The following LHX8 variants were observed in gnomAD, a reference collection of about 807,000 sequenced individuals.
LHX8 encodes the protein LIM/homeobox protein Lhx8.
LHX8 carries 12 observed loss-of-function variants against 40.3 expected under a neutral mutation model. The ratio of observed to expected loss-of-function variants is 0.30; its 90% CI spans 0.19 to 0.48. The LOEUF (loss-of-function observed/expected upper bound fraction) is 0.48. Ranked by LOEUF, LHX8 falls within the 20% of genes least tolerant of loss-of-function variation. The probability of loss-of-function intolerance (pLI) is 0.99; values close to 1 mark genes in which losing one functional copy is unlikely to be tolerated. For synonymous variants in LHX8, 179 were observed against 162.0 expected (o/e 1.10, Z -0.80); for missense variants, 344 against 433.7 (o/e 0.79, Z 1.84).
Position 75,143,105 on chromosome 1 carries a change from C to T in LHX8, c.360-13C>T. The T allele has an allele frequency of 1.3e-6, 2 of 1,599,996 alleles. No homozygotes were observed. Among genetic ancestry groups the T allele is most frequent in the Non-Finnish European group, 1.7e-6 (2 of 1,167,598 alleles). Reference sequence around the variant, plus strand: ...ATTAAAATATTTACCTTCCACACCTCTATTTAATGTAGAAGGTATGGAACT... The same window carrying T: ...ATTAAAATATTTACCTTCCACACCTTTATTTAATGTAGAAGGTATGGAACT... On this transcript the variant is annotated splice_polypyrimidine_tract_variant and intron_variant, in intron 4 of 8. Coordinates refer to ENST00000356261, the MANE Select transcript of LHX8 (RefSeq NM_001256114.2).
rs1439362564 is a variant in LHX8 at position 75,161,281 on chromosome 1, T to C, written c.*386T>C. 4.9e-6 allele frequency: 1 copy of C among 204,578 alleles called. No homozygotes were observed. Among genetic ancestry groups the C allele is most frequent in the Admixed American group, 5.5e-5 (1 of 18,346 alleles). 12.7% of individuals were successfully genotyped at this position (204,578 alleles called of 1,614,324 possible). Reference sequence around the variant, plus strand: ...ATCATTAGTTTGTATCTGTAAGTTATTGTAATAAATATTACCTGTATTTTT... The same window carrying C: ...ATCATTAGTTTGTATCTGTAAGTTACTGTAATAAATATTACCTGTATTTTT... On this transcript the variant is annotated 3_prime_UTR_variant, in exon 9 of 9. Transcript: ENST00000356261.
downstream of LHX8, among the ~76,000 whole-genome samples, chr1:75,165,329 G>A (rs1020313593): frequency 1.3e-5 from 2 of 152,090 alleles, no homozygotes; most frequent in Non-Finnish European, 2.9e-5. Context: ...ATTCTCCAGG[G>A]CACCAGATTA....
At chr1:75,162,524 T>C (rs976948241), downstream of LHX8, among the ~76,000 whole-genome samples, 11 of 152,176 alleles carry the variant, frequency 7.2e-5, no homozygotes, top group African/African-American at 1.9e-4. Context: ...GTATTCATTT[T>C]TATTTGCTGT....
chr1:75,166,587 C>CA, the LHX8 span, among the ~76,000 whole-genome samples: 2 of 152,184 alleles, frequency 1.3e-5, no homozygotes, highest in Non-Finnish European at 2.9e-5. Flanking sequence ...GTTATTTTGC[C>CA]AGCATGGTTC....
the LHX8 span, among the ~76,000 whole-genome samples, chr1:75,194,189 C>T: frequency 6.6e-6 from 1 of 152,252 alleles, no homozygotes; most frequent in South Asian, 2.1e-4. Flanking sequence ...TTGGGGCATA[C>T]CTCCTACTTT....
chr1:75,181,795 C>T, the LHX8 span, among the ~76,000 whole-genome samples: 2 of 152,322 alleles, frequency 1.3e-5, no homozygotes, highest in African/African-American at 4.8e-5. Flanking sequence ...ATACTGACAG[C>T]TGCAGACCGG....
chr1:75,196,801 C>A, the LHX8 span, among the ~76,000 whole-genome samples: 1 of 152,120 alleles, frequency 6.6e-6, no homozygotes, highest in African/African-American at 2.4e-5. Context: ...CATCAAATTA[C>A]CCTCCTAACA....
intron 7 of LHX8, among the ~76,000 whole-genome samples, chr1:75,154,956 G>A (rs923803101): frequency 2.0e-5 from 3 of 152,122 alleles, no homozygotes; most frequent in African/African-American, 7.2e-5. Flanking sequence ...CCAGGGGCAG[G>A]GTGTAGTTCT....
downstream of LHX8, among the ~76,000 whole-genome samples, chr1:75,162,637 A>C (rs1648945464): frequency 6.6e-6 from 1 of 152,182 alleles, no homozygotes; most frequent in African/African-American, 2.4e-5. Flanking sequence ...AAGTTGAAGT[A>C]AAACTTCCTA....
chr1:75,181,663 C>G, the LHX8 span, among the ~76,000 whole-genome samples: 1 of 152,196 alleles, frequency 6.6e-6, no homozygotes, highest in Non-Finnish European at 1.5e-5. Context: ...TTGAGTGAGG[C>G]GATGCCCCGC....
chr1:75,158,850 C>G (rs1183020141), intron 8 of LHX8, among the ~76,000 whole-genome samples: 1 of 151,940 alleles, frequency 6.6e-6, no homozygotes, highest in Admixed American at 6.6e-5. Flanking sequence ...TAAAATTTAC[C>G]TACTTGTCTA....
upstream of LHX8, chr1:75,130,333 G>A: frequency 6.2e-6 from 2 of 320,680 alleles, no homozygotes. Context: ...ACTCTTGGTC[G>A]CAGAACTTGG....
At chr1:75,178,405 G>A in the LHX8 span, among the ~76,000 whole-genome samples, 3 of 152,070 alleles carry the variant, frequency 2.0e-5, no homozygotes, top group African/African-American at 7.2e-5. Context: ...TCTTGGGGGG[G>A]TGTATGTGTC....
the LHX8 span, among the ~76,000 whole-genome samples, chr1:75,174,138 A>G: frequency 6.6e-6 from 1 of 152,136 alleles, no homozygotes; most frequent in Non-Finnish European, 1.5e-5. Context: ...CTCTGGTGCT[A>G]AAGAGAAATT....
intron 5 of LHX8, 72 bp from the exon 6 acceptor site, chr1:75,143,773 A>G: frequency 1.7e-6 from 2 of 1,152,976 alleles, no homozygotes; most frequent in South Asian, 1.2e-5. Context: ...AAGAGATATA[A>G]GAAACCTGTT....
intron 7 of LHX8, among the ~76,000 whole-genome samples, 179 bp downstream of exon 7, chr1:75,148,861 G>A (rs1425745013): frequency 6.6e-6 from 1 of 152,062 alleles, no homozygotes; most frequent in African/African-American, 2.4e-5. Context: ...TAACTTAAAG[G>A]TCAATCAAGA....
rs1236686929 is a variant in LHX8, at chr1:75,151,238, T to C, written c.780+2556T>C. 2.0e-5 allele frequency among the ~76,000 whole-genome samples: 3 copies of C among 152,228 alleles called. No homozygotes were observed. In the East Asian group the frequency reaches 5.8e-4, roughly 29 times the overall value. On this transcript the variant is annotated intron_variant, in intron 7 of 8. Transcript: ENST00000356261. ...CTGCAGCTTCTCTAAAGACCTAGGG[T>C]TCACAGTGTTTTAATTGACTGCAAG... is the stretch of plus-strand genomic sequence containing the variant.
At chr1:75,149,181 G>A (rs1171148228) in intron 7 of LHX8, among the ~76,000 whole-genome samples, 1 of 152,188 alleles carries the variant, frequency 6.6e-6, no homozygotes, top group Non-Finnish European at 1.5e-5. Context: ...GCTGCTGATG[G>A]CCTTTGCCAA....
intron 7 of LHX8, among the ~76,000 whole-genome samples, chr1:75,149,077 C>A (rs1465558271): frequency 2.0e-5 from 3 of 152,224 alleles, no homozygotes; most frequent in Non-Finnish European, 4.4e-5. Flanking sequence ...GTACTCACAG[C>A]AACCCTAAGA....
Sources: gnomAD v4.1 joint callset for allele counts (sites outside exome capture counted in the v4.1 genomes callset) on GRCh38, gnomAD v4.1.1 for gene constraint, MANE v1.5 for transcripts, NCBI Gene and HGNC (gene_info 2026-07-23, HGNC 2026-07-21) for gene names.